ARL15: variants seen among roughly 807,000 people sequenced by gnomAD.
The protein encoded by ARL15 is ADP-ribosylation factor-like protein 15.
ARL15 carries 19 observed loss-of-function variants against 25.2 expected under a neutral mutation model. That is an observed-to-expected ratio of 0.75 (90% confidence interval 0.53 to 1.10). ARL15 has a LOEUF of 1.10. ARL15 is among the 50% of genes least tolerant of loss of function. The probability of loss-of-function intolerance (pLI) is 0.00; values close to 1 mark genes in which losing one functional copy is unlikely to be tolerated. For missense variants in ARL15, 220 were observed against 246.0 expected (o/e 0.89, Z 0.71); for synonymous variants, 94 against 86.8 (o/e 1.08, Z -0.46).
intron 4 of ARL15, among the ~76,000 whole-genome samples, chr5:53,991,682 A>G (rs770776244): frequency 1.3e-5 from 2 of 152,114 alleles, no homozygotes; most frequent in Non-Finnish European, 2.9e-5. Context: ...AATCTTCTAT[A>G]GACATGTTTG....
intron 1 of ARL15, among the ~76,000 whole-genome samples, chr5:54,214,103 G>A (rs1249248952): frequency 6.6e-6 from 1 of 151,942 alleles, no homozygotes; most frequent in African/African-American, 2.4e-5. Context: ...GATGGAAGGG[G>A]GGAAAAAAGG....
rs34592464 is a variant in ARL15, at chr5:54,272,107, C to CTTTT, written c.48+38321_48+38324dup. ...TATAGGTGTGTGCCACCACTCCTGG[C>CTTTT]TTTTTTTTTTTTTTTTTTTTTTTTT... On this transcript the variant is annotated intron_variant, in intron 1 of 4. Coordinates refer to ENST00000504924, the MANE Select transcript of ARL15 (RefSeq NM_019087.3). Among the ~76,000 whole-genome samples the CTTTT allele has an allele frequency of 1.7e-3, 63 of 36,788 alleles. 9 individuals are homozygous for CTTTT. Among genetic ancestry groups the CTTTT allele is most frequent in the South Asian group, 2.7e-3 (2 of 738 alleles). The allele number at this position is 36,788 out of a possible 152,430, so 24.1% of individuals were successfully genotyped here. A position where few individuals can be genotyped will look rare whatever the true frequency, so the allele number is the denominator to read the frequency against.
chr5:54,135,525 G>C (rs1753574869), intron 3 of ARL15, among the ~76,000 whole-genome samples: 1 of 152,108 alleles, frequency 6.6e-6, no homozygotes, highest in South Asian at 2.1e-4. Context: ...TACTATCTAG[G>C]GGAGCTGTAC....
intron 3 of ARL15, among the ~76,000 whole-genome samples, chr5:54,139,831 CA>C (rs575945579): frequency 6.6e-6 from 1 of 150,486 alleles, no homozygotes; most frequent in African/African-American, 2.4e-5. Flanking sequence ...GACCCTGTCT[CA>C]AAAAAAAGGA....
intron 3 of ARL15, among the ~76,000 whole-genome samples, chr5:54,145,692 A>G (rs1475191605): frequency 6.6e-6 from 1 of 152,164 alleles, no homozygotes; most frequent in Non-Finnish European, 1.5e-5. Flanking sequence ...AGGGCCTGGC[A>G]TGGAGTTGGT....
chr5:54,239,617 T>C (rs914779569), intron 1 of ARL15, among the ~76,000 whole-genome samples: 12 of 152,200 alleles, frequency 7.9e-5, no homozygotes, highest in Non-Finnish European at 1.5e-5. Flanking sequence ...CATATGTCTA[T>C]GTTCTGAAAT....
intron 1 of ARL15, among the ~76,000 whole-genome samples, chr5:54,176,403 TAA>T (rs141731355): frequency 0.035 from 5,274 of 152,288 alleles, 152 homozygotes; most frequent in East Asian, 0.14. Context: ...CTAAAAACTG[TAA>T]AGAGTTTTCA....
chr5:54,190,324 T>C (rs1429901013), intron 1 of ARL15, among the ~76,000 whole-genome samples: 4 of 149,794 alleles, frequency 2.7e-5, no homozygotes, highest in Admixed American at 1.3e-4. Context: ...ACCCAGGAGG[T>C]GGAGGTTGCA....
chr5:53,896,473 G>A (rs1744878461), intron 4 of ARL15, among the ~76,000 whole-genome samples: 1 of 151,832 alleles, frequency 6.6e-6, no homozygotes. Context: ...AACTTGTGTT[G>A]GTTTCCCTTT....
intron 4 of ARL15, among the ~76,000 whole-genome samples, chr5:53,888,234 T>TTTG (rs1452174955): frequency 6.6e-6 from 1 of 151,878 alleles, no homozygotes; most frequent in South Asian, 2.1e-4. Flanking sequence ...AAGAGGATTC[T>TTTG]TTGTTGTTGT....
At chr5:54,264,742 C>T (rs1757580482) in intron 1 of ARL15, among the ~76,000 whole-genome samples, 1 of 152,100 alleles carries the variant, frequency 6.6e-6, no homozygotes, top group African/African-American at 2.4e-5. Flanking sequence ...TGGCTAACTC[C>T]CTCACTCCTT....
intron 4 of ARL15, among the ~76,000 whole-genome samples, chr5:53,907,481 TATATA>T (rs1166462725): frequency 4.0e-4 from 14 of 35,020 alleles, no homozygotes; most frequent in African/African-American, 8.0e-4. Flanking sequence ...TATATATATA[TATATA>T]TATTTTTTTT....
rs563939634 is a variant in ARL15 at position 54,250,971 on chromosome 5, A to C, written c.48+59461T>G. ...AGGCTAACTTTATTTAACTAAATAT[A>C]GTTTTACTATATTTAGTAATCTAAC... On this transcript the variant is annotated intron_variant, in intron 1 of 4. Transcript: ENST00000504924. 2.0e-5 allele frequency among the ~76,000 whole-genome samples: 3 copies of C among 152,222 alleles called. No individual in the cohort carries two copies. In the South Asian group the frequency reaches 6.2e-4, roughly 31 times the overall value.
chr5:54,059,392 T>C (rs16882100), intron 4 of ARL15, among the ~76,000 whole-genome samples: 2,614 of 152,322 alleles, frequency 0.017, 73 homozygotes, highest in African/African-American at 0.06. Flanking sequence ...GGTCCTCTGG[T>C]GTTTTTCCGA....
intron 1 of ARL15, among the ~76,000 whole-genome samples, chr5:54,294,548 C>A (rs963313854): frequency 1.3e-5 from 2 of 152,202 alleles, no homozygotes; most frequent in African/African-American, 4.8e-5. Context: ...TCTCCCAAAA[C>A]TAACCTGAAA....
intron 4 of ARL15, among the ~76,000 whole-genome samples, chr5:53,899,146 A>C (rs1744971613): frequency 6.6e-6 from 1 of 151,948 alleles, no homozygotes; most frequent in Non-Finnish European, 1.5e-5. Context: ...CAGAAGTTTG[A>C]GACCAGCCTG....
chr5:53,968,799 G>A lies in ARL15; in HGVS notation c.463-82086C>T, dbSNP rs546763964. Among the ~76,000 whole-genome samples the A allele has an allele frequency of 1.3e-4, 20 of 151,678 alleles. No individual in the cohort carries two copies. In the South Asian group the frequency reaches 1.7e-3, roughly 13 times the overall value. ...GCTGGGATTACAGGCGTGAGCCACC[G>A]CTCCCGGCCCGATATAGGGCATTTA... On this transcript the variant is annotated intron_variant, in intron 4 of 4. Coordinates refer to ENST00000504924, the MANE Select transcript of ARL15 (RefSeq NM_019087.3).
chr5:54,129,820 A>C (rs777975458), intron 3 of ARL15, among the ~76,000 whole-genome samples: 41 of 152,242 alleles, frequency 2.7e-4, no homozygotes, highest in Non-Finnish European at 5.9e-4. Context: ...TTTCATCTGT[A>C]AATATTTTGG....
At chr5:54,144,090 G>C (rs1233120337) in intron 3 of ARL15, among the ~76,000 whole-genome samples, 2 of 151,962 alleles carry the variant, frequency 1.3e-5, no homozygotes, top group Non-Finnish European at 2.9e-5. Context: ...GTGTGTATGT[G>C]TGAAAGAGAG....
Sources: allele counts gnomAD v4.1 joint callset (sites outside exome capture counted in the v4.1 genomes callset), GRCh38; gene constraint gnomAD v4.1.1; transcripts MANE v1.5; gene names NCBI Gene and HGNC (gene_info 2026-07-23, HGNC 2026-07-21).